Variants in RORA observed in about 807,000 individuals in gnomAD.
The protein encoded by RORA is RAR related orphan receptor A, also known as nuclear receptor ROR-alpha.
In RORA, 7 loss-of-function variants were observed where a neutral mutation model predicts 69.5. The observed-to-expected ratio is 0.10, with a 90% CI of 0.06 to 0.19. RORA has a LOEUF of 0.19. Among genes scored for constraint, RORA ranks in the 10% least tolerant of loss-of-function variants. The pLI is 1.00. For missense variants in RORA, 457 were observed against 663.0 expected, an observed-to-expected ratio of 0.69 and a Z score of 3.41; for synonymous variants, 261 against 240.8, an observed-to-expected ratio of 1.08 and a Z score of -0.78.
At chr15:60,652,154 G>A (rs969733000) in intron 2 of RORA, among the ~76,000 whole-genome samples, 1 of 151,860 alleles carries the variant, frequency 6.6e-6, no homozygotes, top group African/African-American at 2.4e-5. Context: ...GTGACATATG[G>A]AAAGAACAAG....
intron 1 of RORA, among the ~76,000 whole-genome samples, chr15:60,827,284 C>T (rs982727383): frequency 5.3e-5 from 8 of 152,166 alleles, no homozygotes; most frequent in Admixed American, 2.6e-4. Context: ...CACATATTAA[C>T]CCAATGCTTT....
At chr15:61,099,919 A>C (rs186975759) in intron 1 of RORA, among the ~76,000 whole-genome samples, 1 of 152,200 alleles carries the variant, frequency 6.6e-6, no homozygotes, top group Admixed American at 6.5e-5. Flanking sequence ...TAGTGAAGAC[A>C]GTTCTAAAAT....
intron 2 of RORA, chr15:60,593,084 G>C (rs1216218386): frequency 2.8e-6 from 1 of 359,996 alleles, no homozygotes; most frequent in Non-Finnish European, 5.5e-6. Context: ...CACTGGGACC[G>C]TCCGGGGAGT....
chr15:60,931,777 T>C (rs182311458), intron 1 of RORA, among the ~76,000 whole-genome samples: 1 of 152,302 alleles, frequency 6.6e-6, no homozygotes, highest in East Asian at 1.9e-4. Flanking sequence ...CTCCCTAAGC[T>C]CTTCTGCCTT....
At chr15:60,706,223 C>A (rs1182103672) in intron 1 of RORA, 1 of 152,170 alleles carries the variant, frequency 6.6e-6, no homozygotes, top group East Asian at 1.9e-4. Flanking sequence ...GTGAAAGAAC[C>A]CACATTACCT....
chr15:61,063,227 C>T (rs2078211592), intron 1 of RORA, among the ~76,000 whole-genome samples: 1 of 152,178 alleles, frequency 6.6e-6, no homozygotes, highest in Non-Finnish European at 1.5e-5. Flanking sequence ...ATGTTCCTAA[C>T]TACAAATTCA....
intron 2 of RORA, chr15:60,615,124 C>T: frequency 6.8e-7 from 1 of 1,481,032 alleles, no homozygotes; most frequent in Non-Finnish European, 9.2e-7. Flanking sequence ...CACAGCCACC[C>T]AAGTCCTAAT....
intron 1 of RORA, among the ~76,000 whole-genome samples, chr15:60,742,669 C>T (rs917402901): frequency 6.6e-6 from 1 of 152,142 alleles, no homozygotes; most frequent in African/African-American, 2.4e-5. Context: ...ACACTATTCT[C>T]CTCTTTGCTT....
At chr15:61,088,340 G>C (rs944989686) in intron 1 of RORA, among the ~76,000 whole-genome samples, 2 of 152,214 alleles carry the variant, frequency 1.3e-5, no homozygotes, top group Non-Finnish European at 2.9e-5. Flanking sequence ...CTCTGTGTTT[G>C]TGTTTGCCTC....
chr15:60,816,507 A>G (rs1438412504), intron 1 of RORA, among the ~76,000 whole-genome samples: 7 of 22,808 alleles, frequency 3.1e-4, no homozygotes, highest in Non-Finnish European at 4.5e-4. Flanking sequence ...TATATACTGT[A>G]AACAGTATAT....
chr15:60,703,610 G>A (rs1312840581), intron 1 of RORA, among the ~76,000 whole-genome samples: 1 of 152,166 alleles, frequency 6.6e-6, no homozygotes, highest in Non-Finnish European at 1.5e-5. Context: ...ACTAGAGCTA[G>A]GAGGCTTAAT....
At chr15:60,894,817 T>A (rs729978) in intron 1 of RORA, among the ~76,000 whole-genome samples, 1 of 151,924 alleles carries the variant, frequency 6.6e-6, no homozygotes, top group Admixed American at 6.6e-5. Context: ...GTGTTAGGAC[T>A]TCATTAAAAT....
chr15:60,830,086 T>A (rs2073022034), intron 1 of RORA, among the ~76,000 whole-genome samples: 1 of 152,250 alleles, frequency 6.6e-6, no homozygotes, highest in African/African-American at 2.4e-5. Context: ...ATACCATTTG[T>A]CTTGGATTTT....
intron 1 of RORA, among the ~76,000 whole-genome samples, chr15:60,969,382 T>C (rs975776505): frequency 1.3e-5 from 2 of 152,226 alleles, no homozygotes; most frequent in Non-Finnish European, 2.9e-5. Context: ...GAGACCAGTG[T>C]GGGCCCTTCA....
chr15:60,664,477 T>TA (rs1410136850), intron 2 of RORA, among the ~76,000 whole-genome samples: 6 of 152,222 alleles, frequency 3.9e-5, no homozygotes, highest in Non-Finnish European at 7.3e-5. Context: ...AGAGATGGCC[T>TA]TTCTATCAAA....
intron 2 of RORA, among the ~76,000 whole-genome samples, chr15:60,630,896 T>G (rs886087396): frequency 7.1e-6 from 1 of 141,282 alleles, no homozygotes; most frequent in South Asian, 2.3e-4. Flanking sequence ...TTCTTTTTTT[T>G]TTTTTTTTTG....
chr15:60,843,270 T>C (rs1262244403), intron 1 of RORA, among the ~76,000 whole-genome samples: 10 of 152,174 alleles, frequency 6.6e-5, no homozygotes, highest in Admixed American at 6.5e-4. Context: ...TCCTGCACTC[T>C]AACTTCCTAA....
intron 1 of RORA, among the ~76,000 whole-genome samples, chr15:60,850,499 A>T (rs1237079375): frequency 6.6e-6 from 1 of 152,142 alleles, no homozygotes; most frequent in Non-Finnish European, 1.5e-5. Flanking sequence ...CCTCATCTCT[A>T]AAATGGGGAT....
intron 1 of RORA, among the ~76,000 whole-genome samples, chr15:61,008,692 A>G (rs544863869): frequency 1.3e-5 from 2 of 152,122 alleles, no homozygotes; most frequent in African/African-American, 4.8e-5. Flanking sequence ...CATTTGACTT[A>G]CCCCTTTTTA....
Sources: gnomAD v4.1 joint callset for allele counts (sites outside exome capture counted in the v4.1 genomes callset) on GRCh38, gnomAD v4.1.1 for gene constraint, MANE v1.5 for transcripts, NCBI Gene and HGNC (gene_info 2026-07-23, HGNC 2026-07-21) for gene names.